The following GRIN3A variants were observed in gnomAD, a reference collection of about 807,000 sequenced individuals.
The protein encoded by GRIN3A is glutamate receptor ionotropic, NMDA 3A.
GRIN3A carries 47 observed loss-of-function variants against 92.4 expected under a neutral mutation model. The observed-to-expected ratio is 0.51, with a 90% CI of 0.40 to 0.65. GRIN3A has a LOEUF of 0.65. GRIN3A is among the 30% of genes least tolerant of loss of function. GRIN3A has a pLI of 0.00. For missense variants in GRIN3A, 1,324 were observed against 1,393.1 expected, an observed-to-expected ratio of 0.95 and a Z score of 0.79; for synonymous variants, 527 against 540.6, an observed-to-expected ratio of 0.97 and a Z score of 0.35.
At chr9:101,699,942 A>G (rs1829733510) in intron 1 of GRIN3A, among the ~76,000 whole-genome samples, 2 of 151,358 alleles carry the variant, frequency 1.3e-5, no homozygotes, top group African/African-American at 4.9e-5. Flanking sequence ...TGCATCGTCA[A>G]CTCCCAGTCA....
intron 4 of GRIN3A, among the ~76,000 whole-genome samples, chr9:101,626,238 G>C (rs183983357): frequency 1.1e-4 from 16 of 152,258 alleles, no homozygotes; most frequent in Non-Finnish European, 2.2e-4. Flanking sequence ...AAGAAAACCA[G>C]TCACATATTA....
chr9:101,626,028 C>T (rs537020131), intron 4 of GRIN3A, among the ~76,000 whole-genome samples: 16 of 152,238 alleles, frequency 1.1e-4, no homozygotes, highest in African/African-American at 2.2e-4. Flanking sequence ...CGTGAAAAGG[C>T]GAAAAGCAGT....
intron 1 of GRIN3A, among the ~76,000 whole-genome samples, chr9:101,723,770 C>G (rs976474394): frequency 4.6e-5 from 7 of 152,064 alleles, no homozygotes; most frequent in Admixed American, 2.6e-4. Flanking sequence ...TACAGAGTGT[C>G]GATTGGTGCA....
chr9:101,643,059 C>T (rs1828886973), intron 3 of GRIN3A, among the ~76,000 whole-genome samples: 1 of 152,060 alleles, frequency 6.6e-6, no homozygotes, highest in Non-Finnish European at 1.5e-5. Context: ...CATCCCAAAA[C>T]CATCCTTCCC....
chr9:101,651,641 T>TGC (rs201172689), intron 3 of GRIN3A, among the ~76,000 whole-genome samples: 5,749 of 148,168 alleles, frequency 0.039, 156 homozygotes, highest in Middle Eastern at 0.11. Context: ...ATCCATTGTG[T>TGC]GTGTGTGTGT....
intron 3 of GRIN3A, among the ~76,000 whole-genome samples, chr9:101,633,913 T>A (rs1828745719): frequency 1.3e-5 from 2 of 152,116 alleles, no homozygotes; most frequent in Admixed American, 1.3e-4. Flanking sequence ...ACCAACAAAC[T>A]GCTAATTGAT....
intron 2 of GRIN3A, among the ~76,000 whole-genome samples, chr9:101,675,189 T>G (rs1419894101): frequency 2.6e-5 from 4 of 151,916 alleles, no homozygotes; most frequent in Non-Finnish European, 1.5e-5. Context: ...TCAACAAACC[T>G]CCCAAGATAC....
chr9:101,573,653 T>C, intron 8 of GRIN3A, 140 bp from the exon 9 acceptor site: 2 of 720,022 alleles, frequency 2.8e-6, no homozygotes, highest in South Asian at 3.1e-5. Context: ...ATGGACAGAC[T>C]ACCTGCTAGG....
intron 1 of GRIN3A, among the ~76,000 whole-genome samples, chr9:101,688,196 C>T (rs1037723451): frequency 1.3e-5 from 2 of 152,204 alleles, no homozygotes; most frequent in South Asian, 4.1e-4. Context: ...AGTAAAATCT[C>T]AAGCCCTTGT....
intron 6 of GRIN3A, among the ~76,000 whole-genome samples, chr9:101,583,215 A>G (rs1021353729): frequency 2.0e-5 from 3 of 152,202 alleles, no homozygotes; most frequent in African/African-American, 7.2e-5. Context: ...AAAGCCTGCA[A>G]TGCTTCTCAA....
intron 2 of GRIN3A, among the ~76,000 whole-genome samples, chr9:101,678,882 C>G (rs1399956570): frequency 6.6e-6 from 1 of 152,150 alleles, no homozygotes; most frequent in African/African-American, 2.4e-5. Context: ...TTACCTAAAA[C>G]AGTTTGATTT....
intron 6 of GRIN3A, chr9:101,593,052 T>C (rs1588239532): frequency 6.6e-6 from 1 of 152,344 alleles, no homozygotes; most frequent in East Asian, 1.9e-4. Context: ...GAACTCACAA[T>C]AGTATGTGGG....
chr9:101,614,353 A>C (rs1345701719), intron 5 of GRIN3A, among the ~76,000 whole-genome samples: 9 of 152,294 alleles, frequency 5.9e-5, no homozygotes, highest in African/African-American at 1.7e-4. Context: ...AATTGGAAAC[A>C]ACCCAAATGT....
chr9:101,689,971 A>G (rs1176165315), intron 1 of GRIN3A, among the ~76,000 whole-genome samples: 1 of 152,172 alleles, frequency 6.6e-6, no homozygotes, highest in Non-Finnish European at 1.5e-5. Context: ...TAATTTCCAT[A>G]TTGTTTTTCT....
chr9:101,604,439 C>G (rs1828250881), intron 6 of GRIN3A, among the ~76,000 whole-genome samples: 1 of 152,166 alleles, frequency 6.6e-6, no homozygotes, highest in African/African-American at 2.4e-5. Context: ...AACATACTAC[C>G]TGGATAGGTT....
At chr9:101,634,637 T>A (rs2118890097) in intron 3 of GRIN3A, among the ~76,000 whole-genome samples, 1 of 152,262 alleles carries the variant, frequency 6.6e-6, no homozygotes, top group African/African-American at 2.4e-5. Context: ...GTTCTTAACA[T>A]ACCCTTATCT....
chr9:101,613,505 G>C lies in GRIN3A; in HGVS notation c.2637C>G (p.Pro879=). 1 of 1,614,132 alleles carries C rather than the reference G, an allele frequency of 6.2e-7. No individual in the cohort carries two copies. Among genetic ancestry groups the C allele is most frequent in the Non-Finnish European group, 8.5e-7 (1 of 1,180,006 alleles). ...ATATGTTGGCGGTCAATGGAGAGTT[G>C]GGTGGGAGGCCAATGCCGTATCCTA... ...AIEGYGIGLP[P]NSPLTANISE... Residue 879 remains proline (P), a synonymous_variant, in exon 6 of 9, where the codon CCC becomes CCG. Coordinates refer to ENST00000361820, the MANE Select transcript of GRIN3A (RefSeq NM_133445.3).
At chr9:101,653,672 C>T (rs923872411) in intron 3 of GRIN3A, among the ~76,000 whole-genome samples, 6 of 151,936 alleles carry the variant, frequency 3.9e-5, no homozygotes, top group Non-Finnish European at 5.9e-5. Context: ...ACTTTAGGCA[C>T]ATATTTAAGT....
In GRIN3A at chr9:101,579,368, A is replaced by G; in HGVS notation, c.2767-8T>C. Reference sequence around the variant, plus strand: ...GATGCCCATTTGCAAAGTCTGTGACAGAATAGGAAAGAAAAGGCCATGAAT... The same window carrying G: ...GATGCCCATTTGCAAAGTCTGTGACGGAATAGGAAAGAAAAGGCCATGAAT... On this transcript the variant is annotated splice_region_variant and splice_polypyrimidine_tract_variant and intron_variant, in intron 6 of 8. Coordinates refer to ENST00000361820, the MANE Select transcript of GRIN3A (RefSeq NM_133445.3). 6.2e-7 allele frequency: 1 copy of G among 1,613,760 alleles called. No individual in the cohort carries two copies. The highest frequency in any genetic ancestry group is 8.5e-7 in the Non-Finnish European group (1 of 1,179,760).
Sources: allele counts gnomAD v4.1 joint callset (sites outside exome capture counted in the v4.1 genomes callset), GRCh38; gene constraint gnomAD v4.1.1; transcripts MANE v1.5; gene names NCBI Gene and HGNC (gene_info 2026-07-23, HGNC 2026-07-21).